The following GSG1L variants were observed in gnomAD, a reference collection of about 807,000 sequenced individuals.
The protein encoded by GSG1L is GSG1 like.
A neutral mutation model predicts 42.1 loss-of-function variants in GSG1L; 24 were observed. The ratio of observed to expected loss-of-function variants is 0.57; its 90% CI spans 0.41 to 0.80. The LOEUF (loss-of-function observed/expected upper bound fraction) is 0.80, where lower values mean the gene tolerates loss of function less well. Among genes scored for constraint, GSG1L ranks in the 30% least tolerant of loss-of-function variants. The pLI, the probability that GSG1L is intolerant of heterozygous loss-of-function variation, is 0.00. For synonymous variants in GSG1L, 215 were observed against 203.5 expected, an observed-to-expected ratio of 1.06 and a Z score of -0.48; for missense variants, 445 against 472.2, an observed-to-expected ratio of 0.94 and a Z score of 0.53.
At chr16:27,827,313 G>A (rs2083221567) in intron 5 of GSG1L, among the ~76,000 whole-genome samples, 1 of 152,162 alleles carries the variant, frequency 6.6e-6, no homozygotes, top group African/African-American at 2.4e-5. Context: ...ACCTCTAGGT[G>A]CTGCTACTGA....
At chr16:27,895,303 T>C (rs574195374) in intron 2 of GSG1L, among the ~76,000 whole-genome samples, 1 of 152,268 alleles carries the variant, frequency 6.6e-6, no homozygotes, top group East Asian at 1.9e-4. Flanking sequence ...GGGGCTGAGC[T>C]GGGGCTGCCC....
chr16:28,023,240 C>T (rs896193750), intron 1 of GSG1L, among the ~76,000 whole-genome samples: 3 of 152,194 alleles, frequency 2.0e-5, no homozygotes, highest in Admixed American at 2.0e-4. Flanking sequence ...TCTTTCTAAG[C>T]ACTGCTTTTT....
intron 5 of GSG1L, among the ~76,000 whole-genome samples, chr16:27,820,468 C>T (rs1452821598): frequency 6.6e-6 from 1 of 151,958 alleles, no homozygotes; most frequent in Non-Finnish European, 1.5e-5. Context: ...GGGGGCTGGA[C>T]GGTGAGTGGG....
intron 5 of GSG1L, among the ~76,000 whole-genome samples, chr16:27,819,521 G>A (rs1450737837): frequency 1.3e-5 from 2 of 152,292 alleles, no homozygotes; most frequent in Middle Eastern, 3.4e-3. Context: ...GAGAACAGAC[G>A]TGAGGATACC....
At chr16:27,967,832 G>A (rs1290999528) in intron 1 of GSG1L, among the ~76,000 whole-genome samples, 1 of 152,170 alleles carries the variant, frequency 6.6e-6, no homozygotes, top group African/African-American at 2.4e-5. Context: ...AGAATCGCTT[G>A]AATATGGTAG....
intron 2 of GSG1L, among the ~76,000 whole-genome samples, chr16:27,913,417 C>T (rs368505735): frequency 1.1e-4 from 16 of 152,186 alleles, no homozygotes; most frequent in African/African-American, 2.9e-4. Context: ...ATTGGTGATT[C>T]GCTGCATTCT....
rs1231385532 is a variant in GSG1L at position 27,788,398 on chromosome 16, T to G, written c.*2972A>C. 1.3e-5 allele frequency: 2 copies of G among 152,202 alleles called. No homozygotes were observed. Among genetic ancestry groups the G allele is most frequent in the Non-Finnish European group, 2.9e-5 (2 of 68,080 alleles). The allele number at this position is 152,202 out of a possible 1,614,324, so 9.4% of individuals were successfully genotyped here. On this transcript the variant is annotated 3_prime_UTR_variant, in exon 7 of 7. Coordinates refer to ENST00000447459, the MANE Select transcript of GSG1L (RefSeq NM_001109763.2). ...AAATGTACACCCAGGCGCATCCCAG[T>G]CTGCTAAAAGCATCTCACTGCCCAC...
intron 1 of GSG1L, among the ~76,000 whole-genome samples, chr16:28,042,737 G>A (rs919609891): frequency 2.0e-5 from 3 of 152,192 alleles, no homozygotes; most frequent in African/African-American, 7.2e-5. Flanking sequence ...AATAAAAGCA[G>A]GTCCTTGAGA....
At chr16:27,797,356 C>T (rs532888244) in intron 6 of GSG1L, among the ~76,000 whole-genome samples, 1 of 151,922 alleles carries the variant, frequency 6.6e-6, no homozygotes, top group East Asian at 1.9e-4. Context: ...AAACCTGTCT[C>T]TACTAAAAAT....
rs2086315350 is a variant in GSG1L at position 28,059,357 on chromosome 16, C to G, written c.349+3719G>C. Among the ~76,000 whole-genome samples, 1 of 152,086 alleles carries G rather than the reference C, an allele frequency of 6.6e-6. No homozygotes were observed. The highest frequency in any genetic ancestry group is 1.5e-5 in the Non-Finnish European group (1 of 67,998). The stretch of plus-strand genomic sequence containing the variant: ...GGTGTGTTGGCTCCCCGCCTGGGTC[C>G]TGCATGGGTCTTCTGGCTTCACACC... On this transcript the variant is annotated intron_variant, in intron 1 of 6. Coordinates refer to ENST00000447459, the MANE Select transcript of GSG1L (RefSeq NM_001109763.2). This position sits in a 1 kb window ranked among gnomAD's most constrained non-coding sequence, Gnocchi z 4.4.
At chr16:27,932,352 C>T (rs2084666426) in intron 2 of GSG1L, among the ~76,000 whole-genome samples, 1 of 152,142 alleles carries the variant, frequency 6.6e-6, no homozygotes, top group Admixed American at 6.6e-5. Flanking sequence ...TTAGCCTGGC[C>T]AGAACAGAGG....
chr16:27,947,593 G>GAAAT (rs879591067), intron 2 of GSG1L, among the ~76,000 whole-genome samples: 2 of 113,782 alleles, frequency 1.8e-5, no homozygotes, highest in Non-Finnish European at 3.8e-5. Flanking sequence ...AAGAAAGAAA[G>GAAAT]AAAGAAAAAG....
At chr16:28,053,595 G>C (rs559500925) in intron 1 of GSG1L, among the ~76,000 whole-genome samples, 5 of 152,210 alleles carry the variant, frequency 3.3e-5, no homozygotes, top group Non-Finnish European at 7.3e-5. Flanking sequence ...TCCTGGAAAA[G>C]AGCAAGGCGA....
rs74015153 is a variant in GSG1L, at chr16:27,919,656, G to A, written c.398-35018C>T. 7.4e-3 allele frequency among the ~76,000 whole-genome samples: 1,133 copies of A among 152,294 alleles called. 23 individuals carry two copies. The highest frequency in any genetic ancestry group is 0.025 in the African/African-American group (1,034 of 41,558). ...AACTCCAATTGGCCAAGCCTGGACC[G>A]TGTGCCCAGCCTTGGAGATAGAGCC... On this transcript the variant is annotated intron_variant, in intron 2 of 6. Coordinates refer to ENST00000447459, the MANE Select transcript of GSG1L (RefSeq NM_001109763.2).
intron 6 of GSG1L, among the ~76,000 whole-genome samples, chr16:27,807,170 A>G (rs2082974254): frequency 1.3e-5 from 2 of 152,176 alleles, no homozygotes; most frequent in Non-Finnish European, 2.9e-5. Flanking sequence ...CCTTCTAGCC[A>G]GGACTGTCCT....
intron 5 of GSG1L, among the ~76,000 whole-genome samples, chr16:27,827,189 T>A (rs550768064): frequency 2.0e-5 from 3 of 152,324 alleles, no homozygotes; most frequent in African/African-American, 7.2e-5. Context: ...TTGTGCTCCA[T>A]AAATGGCAGT....
chr16:28,061,330 C>G (rs1449401026), intron 1 of GSG1L, among the ~76,000 whole-genome samples: 1 of 152,118 alleles, frequency 6.6e-6, no homozygotes, highest in East Asian at 1.9e-4. Context: ...TAATTGCATC[C>G]CACAGTAAAC....
chr16:27,994,341 T>A (rs2085490752), intron 1 of GSG1L, among the ~76,000 whole-genome samples: 2 of 152,206 alleles, frequency 1.3e-5, no homozygotes, highest in Non-Finnish European at 2.9e-5. Context: ...TAAACTACAC[T>A]GAATTGTGTC....
intron 6 of GSG1L, among the ~76,000 whole-genome samples, chr16:27,799,005 C>A (rs193080332): frequency 8.7e-4 from 132 of 152,272 alleles, no homozygotes; most frequent in African/African-American, 3.0e-3. Context: ...CAGAAACATA[C>A]TGGTGACCTA....
Sources: gnomAD v4.1 joint callset for allele counts (sites outside exome capture counted in the v4.1 genomes callset) on GRCh38, gnomAD v4.1.1 for gene constraint, Gnocchi (gnomAD v3.1) non-coding constraint, MANE v1.5 for transcripts, NCBI Gene and HGNC (gene_info 2026-07-23, HGNC 2026-07-21) for gene names.